The following MPDZ variants were observed in gnomAD, a reference collection of about 807,000 sequenced individuals.
MPDZ encodes multiple PDZ domain crumbs cell polarity complex component, also known as multiple PDZ domain protein.
Under a neutral mutation model 239.1 loss-of-function variants are expected in MPDZ, and 234 were observed. The observed-to-expected ratio is 0.98, with a 90% confidence interval of 0.88 to 1.09. The LOEUF is 1.09. MPDZ is among the 50% of genes least tolerant of loss of function. MPDZ has a pLI of 0.00. For synonymous variants in MPDZ, 1,048 were observed against 881.3 expected (o/e 1.19, Z -3.35); for missense variants, 3,175 against 2,510.0 (o/e 1.26, Z -5.66).
intron 12 of MPDZ, among the ~76,000 whole-genome samples, chr9:13,203,290 A>G (rs1564020702): frequency 1.3e-5 from 2 of 152,128 alleles, no homozygotes; most frequent in Non-Finnish European, 2.9e-5. Context: ...TCAGAGTCCT[A>G]TCTCTTTCCA....
intron 38 of MPDZ, 72 bp downstream of exon 38, chr9:13,121,667 C>T: frequency 1.3e-6 from 2 of 1,493,540 alleles, no homozygotes; most frequent in South Asian, 1.1e-5. Context: ...TCACCTACTG[C>T]TATTACTCTT....
intron 3 of MPDZ, among the ~76,000 whole-genome samples, chr9:13,238,427 T>G (rs1964615928): frequency 6.6e-6 from 1 of 152,148 alleles, no homozygotes; most frequent in Admixed American, 6.6e-5. Flanking sequence ...AGACACCCCC[T>G]TCTCAAGCCC....
chr9:13,183,493 A>G lies in MPDZ; in HGVS notation c.2574T>C (p.Ser858=), dbSNP rs1953661222. Residue 858 remains serine, a synonymous_variant, in exon 19 of 47, where the codon TCT becomes TCC. Transcript: ENST00000319217. ...AAGAACTGCCATGAAGAGATAAAATAGAGGCTTGAGTAGAGTAGATGCTGT... is the reference window on the plus strand; with the variant it reads ...AAGAACTGCCATGAAGAGATAAAATGGAGGCTTGAGTAGAGTAGATGCTGT... ...ENDSIYSTQA[S]ILSLHGSSCG... is the part of the protein sequence containing the mutation. 2 of 1,612,482 alleles carry G rather than the reference A, an allele frequency of 1.2e-6. No homozygotes were observed. Among genetic ancestry groups the G allele is most frequent in the Non-Finnish European group, 1.7e-6 (2 of 1,179,078 alleles).
chr9:13,150,354 T>A (rs559105686), intron 25 of MPDZ, among the ~76,000 whole-genome samples, 157 bp downstream of exon 25: 1 of 152,126 alleles, frequency 6.6e-6, no homozygotes, highest in Non-Finnish European at 1.5e-5. Flanking sequence ...GAGTAACTAG[T>A]ATGAAGATGA....
At chr9:13,110,785 G>C (rs769686477) in intron 43 of MPDZ, 45 bp from the exon 44 acceptor site, 1 of 1,447,062 alleles carries the variant, frequency 6.9e-7, no homozygotes, top group South Asian at 1.2e-5. Flanking sequence ...AGCAGCCATG[G>C]AGAGTGGGTC....
intron 24 of MPDZ, among the ~76,000 whole-genome samples, chr9:13,156,184 T>G (rs1028777576): frequency 2.0e-5 from 3 of 152,164 alleles, no homozygotes; most frequent in Non-Finnish European, 4.4e-5. Context: ...ATTCAAAAGA[T>G]TCTATTATTA....
intron 3 of MPDZ, among the ~76,000 whole-genome samples, chr9:13,236,939 G>A (rs1211718122): frequency 6.7e-6 from 1 of 150,324 alleles, no homozygotes; most frequent in Non-Finnish European, 1.5e-5. Context: ...TTTTTTAATA[G>A]TATCTTTATT....
In MPDZ at chr9:13,190,217, G is replaced by A. The variant is rs1954711376; in HGVS notation, c.2051C>T (p.Thr684Ile). The stretch of plus-strand genomic sequence containing the variant: ...GGCCAAAGGTGCTTGAACCTCTTCT[G>A]TACTCTGACCCGCATCAGTCATCGC... ...VLAMTDAGQS[T>I]EEVQAPLAMW... Residue 684 changes from threonine to isoleucine, a missense_variant, in exon 16 of 47, where the codon ACA (threonine) becomes ATA (isoleucine). Transcript: ENST00000319217. The A allele has an allele frequency of 1.9e-6, 3 of 1,612,940 alleles. No individual in the cohort carries two copies. The highest frequency in any genetic ancestry group is 1.7e-5 in the Admixed American group (1 of 59,906).
chr9:13,247,481 A>G (rs528284477), intron 3 of MPDZ, among the ~76,000 whole-genome samples, 154 bp downstream of exon 3: 6 of 152,224 alleles, frequency 3.9e-5, no homozygotes, highest in Non-Finnish European at 2.9e-5. Flanking sequence ...GGAGGAAAAA[A>G]GCCACAGTGA....
intron 17 of MPDZ, among the ~76,000 whole-genome samples, chr9:13,188,378 C>G (rs984301872): frequency 6.6e-6 from 1 of 151,890 alleles, no homozygotes; most frequent in Non-Finnish European, 1.5e-5. Context: ...ATTAGCCAGG[C>G]ATGGTCGTGG....
chr9:13,187,823 T>C (rs1052670699), intron 17 of MPDZ, among the ~76,000 whole-genome samples: 7 of 152,176 alleles, frequency 4.6e-5, no homozygotes, highest in East Asian at 1.9e-4. Flanking sequence ...TCTCTAATAT[T>C]TAACTGCAAT....
chr9:13,213,934 A>G (rs1957965093), intron 10 of MPDZ, among the ~76,000 whole-genome samples: 1 of 152,054 alleles, frequency 6.6e-6, no homozygotes, highest in African/African-American at 2.4e-5. Flanking sequence ...TCAATAAAAT[A>G]CTCATTTGAT....
chr9:13,203,728 CCACACA>C (rs58472339), intron 12 of MPDZ, among the ~76,000 whole-genome samples: 93,577 of 140,360 alleles, frequency 0.67, 31,726 homozygotes, highest in Middle Eastern at 0.75. Flanking sequence ...ATGTATCCTG[CCACACA>C]CACACACACA....
At chr9:13,112,900 C>A (rs1942731321) in intron 42 of MPDZ, 111 bp downstream of exon 42, 5 of 1,048,674 alleles carry the variant, frequency 4.8e-6, no homozygotes, top group Non-Finnish European at 1.4e-6. Flanking sequence ...TGTAAGAATA[C>A]ATACTTTTTG....
intron 3 of MPDZ, among the ~76,000 whole-genome samples, chr9:13,233,392 A>G (rs1963082226): frequency 6.6e-6 from 1 of 152,168 alleles, no homozygotes; most frequent in South Asian, 2.1e-4. Context: ...ACACAAAGAC[A>G]AGACAAAGAA....
Position 13,260,431 on chromosome 9 carries a change from A to T in MPDZ, c.-57-10059T>A, listed in dbSNP as rs1970425031. Among the ~76,000 whole-genome samples the T allele has an allele frequency of 2.0e-5, 3 of 152,318 alleles. No individual in the cohort carries two copies. The South Asian group carries it at 6.2e-4, about 32-fold the overall frequency. ...GCTTTGGTTACTGATGGATGGTAAT[A>T]CTACAAGGAACATGTCAGTGTTGTG... On this transcript the variant is annotated intron_variant, in intron 1 of 46. Coordinates refer to ENST00000319217, the MANE Select transcript of MPDZ (RefSeq NM_001378778.1).
intron 3 of MPDZ, among the ~76,000 whole-genome samples, chr9:13,241,189 C>T (rs1032579307): frequency 6.6e-6 from 1 of 152,116 alleles, no homozygotes; most frequent in Non-Finnish European, 1.5e-5. Context: ...ATAAACTTTA[C>T]GGTAAATGTA....
intron 31 of MPDZ, 154 bp from the exon 32 acceptor site, chr9:13,134,058 A>C: frequency 3.4e-6 from 1 of 291,680 alleles, no homozygotes; most frequent in African/African-American, 2.2e-5. Flanking sequence ...ATTTTAATAC[A>C]TTTATTTATT....
chr9:13,108,925 T>G lies in MPDZ; in HGVS notation c.6066+11A>C. ...AGGGGAAAAGAGGGTGGTTAAAATTTGCAAGCTTACCTTTGCAAACACTGT... is the reference window on the plus strand; with the variant it reads ...AGGGGAAAAGAGGGTGGTTAAAATTGGCAAGCTTACCTTTGCAAACACTGT... On this transcript the variant is annotated intron_variant, in intron 46 of 46. Coordinates refer to ENST00000319217, the MANE Select transcript of MPDZ (RefSeq NM_001378778.1). 6.2e-7 allele frequency: 1 copy of G among 1,609,624 alleles called. No individual in the cohort carries two copies. Among genetic ancestry groups the G allele is most frequent in the Non-Finnish European group, 8.5e-7 (1 of 1,177,390 alleles).
Sources: allele counts gnomAD v4.1 joint callset (sites outside exome capture counted in the v4.1 genomes callset), GRCh38; gene constraint gnomAD v4.1.1; transcripts MANE v1.5; gene names NCBI Gene and HGNC (gene_info 2026-07-23, HGNC 2026-07-21).